TENM3: variants seen among roughly 807,000 people sequenced by gnomAD.
TENM3 encodes teneurin transmembrane protein 3, also known as teneurin-3.
Under a neutral mutation model 255.1 loss-of-function variants are expected in TENM3, and 63 were observed. That is an observed-to-expected ratio of 0.25 (90% CI 0.20 to 0.30). The LOEUF is 0.30. TENM3 is among the 10% of genes least tolerant of loss of function. The pLI, the probability that TENM3 is intolerant of heterozygous loss-of-function variation, is 1.00. For synonymous variants in TENM3, 1,306 were observed against 1,322.3 expected (o/e 0.99, Z 0.27); for missense variants, 2,929 against 3,461.1 (o/e 0.85, Z 3.86).
the TENM3 span, among the ~76,000 whole-genome samples, chr4:181,901,480 T>C: frequency 2.6e-4 from 39 of 152,190 alleles, no homozygotes; most frequent in African/African-American, 9.4e-4. Context: ...CCAAAACAGT[T>C]GTTTAGATGA....
chr4:182,483,912 C>T (rs1279363255), intron 3 of TENM3, among the ~76,000 whole-genome samples: 1 of 152,070 alleles, frequency 6.6e-6, no homozygotes, highest in African/African-American at 2.4e-5. Flanking sequence ...ATCACAAGAA[C>T]GACAAGGAAG....
the TENM3 span, among the ~76,000 whole-genome samples, chr4:181,786,197 C>T: frequency 6.6e-6 from 1 of 152,132 alleles, no homozygotes; most frequent in East Asian, 1.9e-4. Flanking sequence ...CAGTTACCTA[C>T]GCAAATGTGA....
chr4:182,057,445 C>T, the TENM3 span, among the ~76,000 whole-genome samples: 1 of 145,646 alleles, frequency 6.9e-6, no homozygotes, highest in South Asian at 2.2e-4. Flanking sequence ...GTCTCTTGCT[C>T]CATGGCCCAG....
At chr4:182,498,124 A>T (rs553934632) in intron 3 of TENM3, among the ~76,000 whole-genome samples, 123 of 152,236 alleles carry the variant, frequency 8.1e-4, no homozygotes, top group African/African-American at 2.8e-3. Flanking sequence ...GGTTATCTTC[A>T]TTAGCATATA....
intron 4 of TENM3, among the ~76,000 whole-genome samples, chr4:182,615,059 A>C (rs1191574582): frequency 8.0e-6 from 1 of 125,454 alleles, no homozygotes; most frequent in African/African-American, 2.8e-5. Context: ...ATATATATAT[A>C]TATATATGTA....
rs372965020 is a variant in TENM3 at position 182,335,494 on chromosome 4, C to CAAAAAAAAA, written c.233-11140_233-11132dup. Among the ~76,000 whole-genome samples, 63 of 52,392 alleles carry CAAAAAAAAA rather than the reference C, an allele frequency of 1.2e-3. 1 individual carries two copies. Among genetic ancestry groups the CAAAAAAAAA allele is most frequent in the African/African-American group, 3.2e-3 (46 of 14,586 alleles). 34.4% of individuals were successfully genotyped at this position (52,392 alleles called of 152,430 possible). ...TGGGCGACAGAGCGAGACTCCGCCT[C>CAAAAAAAAA]AAAAAAAAAAAAAAAAAAAAAAAAA... On this transcript the variant is annotated intron_variant, in intron 2 of 27. Transcript: ENST00000511685.
chr4:181,575,999 G>T, the TENM3 span, among the ~76,000 whole-genome samples: 1 of 152,180 alleles, frequency 6.6e-6, no homozygotes, highest in South Asian at 2.1e-4. Context: ...GTGTAACTTT[G>T]TTGCATGGAT....
intron 1 of TENM3, among the ~76,000 whole-genome samples, chr4:182,166,448 A>T (rs1056832357): frequency 3.3e-5 from 5 of 152,142 alleles, no homozygotes; most frequent in Admixed American, 3.3e-4. Context: ...TTAAAATTTC[A>T]TCTTGAATTT....
chr4:181,567,331 GC>G, the TENM3 span, among the ~76,000 whole-genome samples: 1 of 152,032 alleles, frequency 6.6e-6, no homozygotes, highest in South Asian at 2.1e-4. Context: ...AAAAATATTT[GC>G]ATATATTCTG....
intron 6 of TENM3, among the ~76,000 whole-genome samples, chr4:182,659,374 T>A (rs1754023259): frequency 6.6e-6 from 1 of 152,120 alleles, no homozygotes; most frequent in Non-Finnish European, 1.5e-5. Flanking sequence ...TATATTGTTA[T>A]AATTGTTCTA....
the TENM3 span, among the ~76,000 whole-genome samples, chr4:182,041,778 G>C: frequency 1.3e-5 from 2 of 152,164 alleles, no homozygotes; most frequent in Admixed American, 1.3e-4. Context: ...TCCAGTCTTA[G>C]AGGCTTCTTC....
the TENM3 span, among the ~76,000 whole-genome samples, chr4:181,636,667 C>T: frequency 5.9e-5 from 9 of 152,306 alleles, no homozygotes; most frequent in South Asian, 1.2e-3. Context: ...TCTGCTGCAG[C>T]GCCTCAGTGC....
the TENM3 span, among the ~76,000 whole-genome samples, chr4:181,781,280 T>G: frequency 1.3e-5 from 2 of 152,224 alleles, no homozygotes; most frequent in Non-Finnish European, 2.9e-5. Flanking sequence ...CATTTGTTTG[T>G]GTCCTCTTTC....
At chr4:182,630,649 G>A (rs1032246181) in intron 5 of TENM3, among the ~76,000 whole-genome samples, 1 of 152,058 alleles carries the variant, frequency 6.6e-6, no homozygotes, top group African/African-American at 2.4e-5. Flanking sequence ...AACCACCATG[G>A]CACACATTTA....
chr4:182,498,479 A>G (rs775108125), intron 3 of TENM3, among the ~76,000 whole-genome samples: 42 of 152,202 alleles, frequency 2.8e-4, no homozygotes, highest in Non-Finnish European at 5.0e-4. Context: ...ATGGTACCCA[A>G]TTGGGCAGTT....
rs116554939 is a variant in TENM3, at chr4:182,628,033, G to A, written c.750-618G>A. On this transcript the variant is annotated intron_variant, in intron 4 of 27. Coordinates refer to ENST00000511685, the MANE Select transcript of TENM3 (RefSeq NM_001080477.4). ...CCAGCAGGTTCACACTCCTGATTATGTTTGACATAAGCTAACAATAAAATA... is the reference window on the plus strand; with the variant it reads ...CCAGCAGGTTCACACTCCTGATTATATTTGACATAAGCTAACAATAAAATA... Among the ~76,000 whole-genome samples the A allele has an allele frequency of 2.5e-3, 375 of 152,210 alleles. 2 individuals are homozygous for A. Among genetic ancestry groups the A allele is most frequent in the African/African-American group, 8.6e-3 (359 of 41,534 alleles).
intron 22 of TENM3, among the ~76,000 whole-genome samples, chr4:182,761,252 C>G (rs530814500): frequency 1.3e-5 from 2 of 152,206 alleles, no homozygotes; most frequent in South Asian, 4.2e-4. Context: ...AACCCTGTCT[C>G]TACTAGAAAT....
At chr4:182,147,976 A>T (rs1750080365) in intron 1 of TENM3, among the ~76,000 whole-genome samples, 1 of 152,172 alleles carries the variant, frequency 6.6e-6, no homozygotes. Flanking sequence ...ATTTTTGGAA[A>T]CATCAGCTGG....
At chr4:182,242,621 T>C (rs998659655), upstream of TENM3, among the ~76,000 whole-genome samples, 1 of 152,002 alleles carries the variant, frequency 6.6e-6, no homozygotes, top group African/African-American at 2.4e-5. Flanking sequence ...ATTAACCCGA[T>C]GTGGTGGCAC....
Sources: gnomAD v4.1 joint callset for allele counts (sites outside exome capture counted in the v4.1 genomes callset) on GRCh38, gnomAD v4.1.1 for gene constraint, MANE v1.5 for transcripts, NCBI Gene and HGNC (gene_info 2026-07-23, HGNC 2026-07-21) for gene names.